The following ULK4 variants were observed in gnomAD, a reference collection of about 807,000 sequenced individuals.
ULK4 encodes the protein inactive serine/threonine-protein kinase ULK4.
Under a neutral mutation model 160.6 loss-of-function variants are expected in ULK4, and 133 were observed. The ratio of observed to expected loss-of-function variants is 0.83; its 90% confidence interval spans 0.72 to 0.96. The LOEUF (loss-of-function observed/expected upper bound fraction) is 0.96. Among genes scored for constraint, ULK4 ranks in the 40% least tolerant of loss-of-function variants. The pLI, the probability that ULK4 is intolerant of heterozygous loss-of-function variation, is 0.00. For missense variants in ULK4, 1,580 were observed against 1,499.5 expected (o/e 1.05, Z -0.89); for synonymous variants, 534 against 539.8 (o/e 0.99, Z 0.15).
intron 27 of ULK4, among the ~76,000 whole-genome samples, chr3:41,703,829 C>A (rs1187156083): frequency 8.3e-6 from 1 of 119,982 alleles, no homozygotes; most frequent in Non-Finnish European, 1.7e-5. Flanking sequence ...GGATTTAATG[C>A]GCATGCACAC....
At chr3:41,795,787 T>C (rs2040284833) in intron 20 of ULK4, among the ~76,000 whole-genome samples, 1 of 152,212 alleles carries the variant, frequency 6.6e-6, no homozygotes, top group Non-Finnish European at 1.5e-5. Context: ...AGCCTAAAAC[T>C]GGACGTTGGA....
At chr3:41,537,219 T>C (rs1167955588) in intron 32 of ULK4, among the ~76,000 whole-genome samples, 1 of 151,912 alleles carries the variant, frequency 6.6e-6, no homozygotes, top group Non-Finnish European at 1.5e-5. Context: ...ATATCCACAG[T>C]CTCATGATTT....
intron 35 of ULK4, among the ~76,000 whole-genome samples, chr3:41,325,246 C>A (rs2080318446): frequency 6.6e-6 from 1 of 152,096 alleles, no homozygotes; most frequent in Non-Finnish European, 1.5e-5. Context: ...AAAAAAATGA[C>A]AATATCAGAG....
At chr3:41,619,571 A>G (rs2033143396) in intron 30 of ULK4, among the ~76,000 whole-genome samples, 1 of 152,204 alleles carries the variant, frequency 6.6e-6, no homozygotes, top group South Asian at 2.1e-4. Flanking sequence ...GACCAATGAA[A>G]ACAAAGACAC....
intron 35 of ULK4, among the ~76,000 whole-genome samples, chr3:41,378,025 C>G (rs2081548786): frequency 6.6e-6 from 1 of 151,606 alleles, no homozygotes; most frequent in Non-Finnish European, 1.5e-5. Context: ...ACATATACAC[C>G]ATGGAATACT....
chr3:41,848,476 T>C (rs554234493), intron 17 of ULK4, among the ~76,000 whole-genome samples: 6 of 152,200 alleles, frequency 3.9e-5, no homozygotes, highest in Admixed American at 2.6e-4. Context: ...GCCTGGTCTG[T>C]AGAATGGCAA....
chr3:41,395,438 A>C (rs537843073), intron 35 of ULK4, among the ~76,000 whole-genome samples: 3 of 152,186 alleles, frequency 2.0e-5, no homozygotes, highest in Non-Finnish European at 4.4e-5. Context: ...ATGGATTATT[A>C]GCCCTAAAAA....
chr3:41,821,590 G>C (rs1480604931), intron 18 of ULK4, among the ~76,000 whole-genome samples: 1 of 152,076 alleles, frequency 6.6e-6, no homozygotes, highest in Non-Finnish European at 1.5e-5. Context: ...CCCTTCTTCA[G>C]GGTCATTAGC....
At chr3:41,394,231 C>T (rs2082010869) in intron 35 of ULK4, among the ~76,000 whole-genome samples, 1 of 152,070 alleles carries the variant, frequency 6.6e-6, no homozygotes, top group Non-Finnish European at 1.5e-5. Flanking sequence ...AATTACAAAA[C>T]AATGGCTGCC....
chr3:41,574,826 G>A (rs750787336), intron 31 of ULK4, among the ~76,000 whole-genome samples: 4 of 152,148 alleles, frequency 2.6e-5, no homozygotes, highest in South Asian at 2.1e-4. Flanking sequence ...GATTACAGGC[G>A]TGAGCCACTG....
intron 32 of ULK4, among the ~76,000 whole-genome samples, chr3:41,498,899 T>G (rs1015873884): frequency 4.6e-5 from 7 of 152,126 alleles, no homozygotes; most frequent in Non-Finnish European, 1.0e-4. Flanking sequence ...GGCCGAGAGT[T>G]TCTTCTTTTA....
At chr3:41,670,326 A>G (rs1185430501) in intron 29 of ULK4, among the ~76,000 whole-genome samples, 1 of 152,158 alleles carries the variant, frequency 6.6e-6, no homozygotes, top group African/African-American at 2.4e-5. Context: ...CAAAATGTGA[A>G]CTAGATGACA....
At position 41,800,145 on chromosome 3, in the gene ULK4, A is replaced by G; in HGVS notation, c.1997T>C (p.Ile666Thr). 1 of 1,609,242 alleles carries G rather than the reference A, an allele frequency of 6.2e-7. No homozygotes were observed. Among genetic ancestry groups the G allele is most frequent in the South Asian group, 1.1e-5 (1 of 89,570 alleles). The change falls in exon 20 of 37, where the codon ATA (isoleucine) becomes ACA (threonine). Residue 666 changes from isoleucine to threonine, a missense_variant. Ile to Thr is a moderately conservative substitution (Grantham distance 89). Transcript: ENST00000301831. ...GCTTCATCTTACCGATACTGCTGTT[A>G]TCCTAAGAGAATCAGCAGTGGAGTG... ...FRHSTADSLR[I>T]TAVSALCRIT...
rs912656614 is a variant in ULK4 at position 41,937,899 on chromosome 3, C to T, written c.238+199G>A. ...TTTATGTATATAACGTAATAATACA[C>T]GAAAGTAAATCCAACCCGGAATTGA... On this transcript the variant is annotated intron_variant, in intron 3 of 36. Transcript: ENST00000301831. The T allele has an allele frequency of 1.0e-5, 4 of 381,264 alleles. No homozygotes were observed. In the South Asian group the frequency reaches 3.3e-4, roughly 32 times the overall value. The allele number at this position is 381,264 out of a possible 1,614,324, so 23.6% of individuals were successfully genotyped here.
At chr3:41,908,590 T>C (rs984715528) in intron 11 of ULK4, among the ~76,000 whole-genome samples, 4 of 151,926 alleles carry the variant, frequency 2.6e-5, no homozygotes, top group African/African-American at 9.7e-5. Flanking sequence ...GGATTACAAG[T>C]GCCCGCCACT....
At chr3:41,578,726 G>A (rs1363737744) in intron 31 of ULK4, among the ~76,000 whole-genome samples, 1 of 152,160 alleles carries the variant, frequency 6.6e-6, no homozygotes, top group African/African-American at 2.4e-5. Context: ...AGGTTTGGAA[G>A]AAGGGACTAA....
intron 35 of ULK4, among the ~76,000 whole-genome samples, chr3:41,385,865 G>C (rs192035507): frequency 2.4e-4 from 37 of 152,230 alleles, no homozygotes; most frequent in Middle Eastern, 3.4e-3. Flanking sequence ...CAGGGCTTTG[G>C]GCTCCTAGGC....
chr3:41,506,765 A>AAAAAAAAAAAAAATATATATATAT lies in ULK4; in HGVS notation c.3227-43513_3227-43512insATATATATATATTTTTTTTTTTTT, dbSNP rs1491135487. On this transcript the variant is annotated intron_variant, in intron 32 of 36. Coordinates refer to ENST00000301831, the MANE Select transcript of ULK4 (RefSeq NM_017886.4). ...AAAGCAATACACTGGAGTGTGATTT[A>AAAAAAAAAAAAAATATATATATAT]AAATATATATATATATATATATATA... is the stretch of plus-strand genomic sequence containing the variant. 5.9e-3 allele frequency among the ~76,000 whole-genome samples: 62 copies of AAAAAAAAAAAAAATATATATATAT among 10,462 alleles called. 5 individuals carry two copies. The highest frequency in any genetic ancestry group is 8.9e-3 in the African/African-American group (32 of 3,578). The allele number at this position is 10,462 out of a possible 152,430, so 6.9% of individuals were successfully genotyped here.
At chr3:41,590,461 C>CAAAAAAAAAA (rs71075479) in intron 31 of ULK4, among the ~76,000 whole-genome samples, 454 of 56,042 alleles carry the variant, frequency 8.1e-3, no homozygotes, top group Non-Finnish European at 0.01. Context: ...ACTAAAAATA[C>CAAAAAAAAAA]AAAAAAAAAA....
Sources: gnomAD v4.1 joint callset for allele counts (sites outside exome capture counted in the v4.1 genomes callset) on GRCh38, gnomAD v4.1.1 for gene constraint, MANE v1.5 for transcripts, NCBI Gene and HGNC (gene_info 2026-07-23, HGNC 2026-07-21) for gene names.